ADAMTS7: variants seen among roughly 807,000 people sequenced by gnomAD.
ADAMTS7 encodes the protein ADAM metallopeptidase with thrombospondin type 1 motif 7, also known as A disintegrin and metalloproteinase with thrombospondin motifs 7.
In ADAMTS7, 89 loss-of-function variants were observed where a neutral mutation model predicts 172.6. The observed-to-expected ratio is 0.52, with a 90% CI of 0.43 to 0.61. The LOEUF is 0.61. Among genes scored for constraint, ADAMTS7 ranks in the 20% least tolerant of loss-of-function variants. The pLI, the probability that ADAMTS7 is intolerant of heterozygous loss-of-function variation, is 0.00. For missense variants in ADAMTS7, 1,973 were observed against 2,355.6 expected, an observed-to-expected ratio of 0.84 and a Z score of 3.36; for synonymous variants, 885 against 978.4, an observed-to-expected ratio of 0.90 and a Z score of 1.78.
At chr15:78,784,520 G>A (rs1162748815) in intron 8 of ADAMTS7, among the ~76,000 whole-genome samples, 1 of 152,046 alleles carries the variant, frequency 6.6e-6, no homozygotes, top group Non-Finnish European at 1.5e-5. Flanking sequence ...AATATTAAGG[G>A]TTCCAGAAAG....
At position 78,800,445 on chromosome 15, in the gene ADAMTS7, C is replaced by G. The variant is rs768326936; in HGVS notation, c.203G>C (p.Arg68Pro). 27 of 1,610,752 alleles carry G rather than the reference C, an allele frequency of 1.7e-5. No individual in the cohort carries two copies. The South Asian group carries it at 2.9e-4, about 17-fold the overall frequency. ...TCGGCGCACAGATACATCCCGCTTG[C>G]GCAGTGCGCGGGGCCACAGCTCGTA... ...LSYELWPRAL[R>P]KRDVSVRRDA... The change falls in exon 2 of 24, where the codon CGC (arginine) becomes CCC (proline). Residue 68 changes from arginine (R) to proline (P), a missense_variant. Arg to Pro is a moderately radical substitution (Grantham distance 103). Transcript: ENST00000388820.
Position 78,766,630 on chromosome 15 carries a change from C to G in ADAMTS7, c.3281G>C (p.Arg1094Pro), listed in dbSNP as rs142266635. Reference sequence around the variant, plus strand: ...AGGATGGCTGTGTGGTGGGGGTGTCCGGTCCCCTGTCCCCGCCAGGTCTAG... The same window carrying G: ...AGGATGGCTGTGTGGTGGGGGTGTCGGGTCCCCTGTCCCCGCCAGGTCTAG... ...PDLDLAGTGD[R>P]TPPPHSHPAA... Residue 1094 changes from arginine (R) to proline (P), a missense_variant, in exon 19 of 24, where the codon CGG (arginine) becomes CCG (proline). Around this residue, in one of 8 missense-constraint regions of ADAMTS7, gnomAD observed 771 missense variants for 952.6 expected, o/e 0.81. Transcript: ENST00000388820. 1.4e-5 allele frequency: 22 copies of G among 1,608,720 alleles called. No homozygotes were observed. The highest frequency in any genetic ancestry group is 2.3e-4 in the Middle Eastern group (1 of 4,438).
At chr15:78,789,964 T>G in intron 6 of ADAMTS7, 126 bp from the exon 7 acceptor site, 1 of 1,354,302 alleles carries the variant, frequency 7.4e-7, no homozygotes, top group Non-Finnish European at 1.0e-6. Context: ...CACCGTTCTG[T>G]GACATGAGGC....
intron 22 of ADAMTS7, among the ~76,000 whole-genome samples, chr15:78,762,884 G>C (rs1305497771): frequency 6.6e-6 from 1 of 152,240 alleles, no homozygotes; most frequent in East Asian, 1.9e-4. Flanking sequence ...CGCCGGGATG[G>C]AGCCCTGATG....
chr15:78,777,631 G>C, intron 8 of ADAMTS7, 43 bp from the exon 9 acceptor site: 1 of 1,573,996 alleles, frequency 6.4e-7, no homozygotes, highest in East Asian at 2.3e-5. Context: ...CAGCCTGTGA[G>C]ACCCATCGGA....
intron 23 of ADAMTS7, among the ~76,000 whole-genome samples, chr15:78,761,678 C>T (rs1199240932): frequency 1.3e-5 from 2 of 152,184 alleles, no homozygotes; most frequent in Non-Finnish European, 2.9e-5. Context: ...CATTTCCTGC[C>T]CTCAGCACTT....
intron 1 of ADAMTS7, among the ~76,000 whole-genome samples, chr15:78,809,052 G>T (rs908435960): frequency 6.6e-6 from 1 of 152,182 alleles, no homozygotes; most frequent in African/African-American, 2.4e-5. Context: ...ATAACTGGCA[G>T]GGTGGGGGGT....
rs2030942548 is a variant in ADAMTS7 at position 78,764,559 on chromosome 15, C to T, written c.4415G>A (p.Ser1472Asn). ...PCATWHSGNW[S>N]KCSRSCGGGS... ...CCTGGCTCCATCCTCACGCACCTTACTCCAGTTGCCTGAGTGCCAGGTGGC... is the reference window on the plus strand; with the variant it reads ...CCTGGCTCCATCCTCACGCACCTTATTCCAGTTGCCTGAGTGCCAGGTGGC... Residue 1472 changes from serine to asparagine, a missense_variant, in exon 20 of 24, where the codon AGT (serine) becomes AAT (asparagine). Transcript: ENST00000388820. The T allele has an allele frequency of 1.9e-6, 3 of 1,548,792 alleles. No individual in the cohort carries two copies. The highest frequency in any genetic ancestry group is 1.9e-5 in the Admixed American group (1 of 52,610).
intron 7 of ADAMTS7, 42 bp downstream of exon 7, chr15:78,789,647 G>A (rs2055550739): frequency 6.2e-7 from 1 of 1,608,448 alleles, no homozygotes; most frequent in Non-Finnish European, 8.5e-7. Context: ...CTGCGAGGGT[G>A]AAGCTCGGCT....
At chr15:78,803,402 G>A (rs2055750646) in intron 1 of ADAMTS7, among the ~76,000 whole-genome samples, 1 of 151,594 alleles carries the variant, frequency 6.6e-6, no homozygotes, top group Non-Finnish European at 1.5e-5. Flanking sequence ...TAAAAAGTAG[G>A]GTGTGGAATT....
At position 78,765,869 on chromosome 15, in the gene ADAMTS7, G is replaced by A. The variant is rs2055134413; in HGVS notation, c.4042C>T (p.Pro1348Ser). ...GGTCCTGGGTTCAGGGCAGGCTCAG[G>A]CATGTGCCCGAGGCCAGTCAGGGTT... ...PTTLTGLGHM[P>S]EPALNPGPKG... is the part of the protein sequence containing the mutation. Residue 1348 changes from proline (P) to serine (S), a missense_variant, in exon 19 of 24, where the codon CCT becomes TCT. Physicochemically the swap from Pro to Ser is moderately conservative, Grantham distance 74 (BLOSUM62 -1). Transcript: ENST00000388820. 6.4e-7 allele frequency: 1 copy of A among 1,570,196 alleles called. No individual in the cohort carries two copies. The highest frequency in any genetic ancestry group is 1.4e-5 in the African/African-American group (1 of 74,056).
In ADAMTS7 at chr15:78,762,431, G is replaced by A. The variant is rs78995047; in HGVS notation, c.4875C>T (p.Thr1625=). The A allele has an allele frequency of 0.015, 22,088 of 1,522,956 alleles. 1,124 individuals carry two copies. Among genetic ancestry groups the A allele is most frequent in the East Asian group, 0.14 (5,725 of 40,022 alleles). 94.3% of individuals were successfully genotyped at this position (1,522,956 alleles called of 1,614,324 possible). ...GAGGCTCGACGGGCTCACAATCCTCGGTGCCACACGGCCGGGAGCTCTCAG... is the reference window on the plus strand; with the variant it reads ...GAGGCTCGACGGGCTCACAATCCTCAGTGCCACACGGCCGGGAGCTCTCAG... ...AWPESSRPCG[T]EDCEPVEPPR... is the part of the protein sequence containing the mutation. Residue 1625 remains threonine (T), a synonymous_variant, in exon 23 of 24, where the codon ACC becomes ACT. Transcript: ENST00000388820.
chr15:78,762,199 C>A (rs2055055834), intron 23 of ADAMTS7: 19 of 755,046 alleles, frequency 2.5e-5, no homozygotes, highest in Non-Finnish European at 2.7e-5. Flanking sequence ...GGCCGGGACT[C>A]CCCTTGACTG....
chr15:78,764,520 C>T (rs1289783820), intron 20 of ADAMTS7, 35 bp downstream of exon 20: 1 of 1,525,450 alleles, frequency 6.6e-7, no homozygotes, highest in South Asian at 1.2e-5. Flanking sequence ...ACCCCATGCC[C>T]TGGGAATGCC....
chr15:78,787,359 A>C lies in ADAMTS7; in HGVS notation c.1322+872T>G, dbSNP rs1175241727. 3.4e-5 allele frequency among the ~76,000 whole-genome samples: 5 copies of C among 149,038 alleles called. 1 individual carries two copies. The East Asian group carries it at 7.8e-4, about 23-fold the overall frequency. On this transcript the variant is annotated intron_variant, in intron 8 of 23. Coordinates refer to ENST00000388820, the MANE Select transcript of ADAMTS7 (RefSeq NM_014272.5). ...AAATAGCAAATTTGAAAAAAAAAAA[A>C]CAAAAAAACACCAGAACAGGCCGGG...
chr15:78,797,608 C>T (rs116160997), intron 3 of ADAMTS7, among the ~76,000 whole-genome samples: 56 of 152,300 alleles, frequency 3.7e-4, no homozygotes, highest in African/African-American at 1.1e-3. Flanking sequence ...ACAGCTCACC[C>T]GGCCTGGGCA....
chr15:78,787,542 T>C (rs929563950), intron 8 of ADAMTS7, among the ~76,000 whole-genome samples: 2 of 152,106 alleles, frequency 1.3e-5, no homozygotes, highest in African/African-American at 4.8e-5. Context: ...CACACGCCTG[T>C]AGTCCCAGCT....
chr15:78,807,873 CTT>C (rs11344703), intron 1 of ADAMTS7, among the ~76,000 whole-genome samples: 5 of 148,036 alleles, frequency 3.4e-5, no homozygotes, highest in African/African-American at 5.0e-5. Flanking sequence ...TTATTTATTT[CTT>C]TTTTTTTTTT....
intron 4 of ADAMTS7, among the ~76,000 whole-genome samples, chr15:78,795,569 T>C (rs2055632013): frequency 1.3e-5 from 2 of 152,080 alleles, no homozygotes; most frequent in Non-Finnish European, 1.5e-5. Context: ...TCCTTTAGGG[T>C]TGCAGGAGGT....
Sources: gnomAD v4.1 joint callset for allele counts (sites outside exome capture counted in the v4.1 genomes callset) on GRCh38, gnomAD v4.1.1 for gene constraint, gnomAD v4.1.1 regional missense constraint, MANE v1.5 for transcripts, NCBI Gene and HGNC (gene_info 2026-07-23, HGNC 2026-07-21) for gene names.